The following PROS1 variants were observed in gnomAD, a reference collection of about 807,000 sequenced individuals.
PROS1 encodes protein S, also known as vitamin K-dependent protein S.
PROS1 carries 29 observed loss-of-function variants against 75.9 expected under a neutral mutation model. That is an observed-to-expected ratio of 0.38 (90% CI 0.28 to 0.52). The LOEUF (loss-of-function observed/expected upper bound fraction) is 0.52. Ranked by LOEUF, PROS1 falls within the 20% of genes least tolerant of loss-of-function variation. PROS1 has a pLI of 0.83. For synonymous variants in PROS1, 245 were observed against 280.6 expected (o/e 0.87, Z 1.27); for missense variants, 680 against 810.3 (o/e 0.84, Z 1.95).
chr3:93,877,035 G>A lies in PROS1; in HGVS notation c.1801C>T (p.Gln601Ter). The A allele has an allele frequency of 6.2e-7, 1 of 1,614,034 alleles. No homozygotes were observed. The highest frequency in any genetic ancestry group is 8.5e-7 in the Non-Finnish European group (1 of 1,179,924). The change falls in exon 14 of 15, where the codon CAA becomes TAA. Residue 601 changes from glutamine (Q) to a stop codon, truncating the protein, a stop_gained. Coordinates refer to ENST00000394236, the MANE Select transcript of PROS1 (RefSeq NM_000313.4). LOFTEE classifies it high-confidence loss of function. ...TTGTCCAAGACGGCAAGTTGTCTTT[G>A]AAGGTCTTCATGGGAGATGGTTTCT... ...KIETISHEDL[Q>*]RQLAVLDKAM...
chr3:93,905,363 A>G (rs1417329173), intron 6 of PROS1, among the ~76,000 whole-genome samples: 6 of 152,190 alleles, frequency 3.9e-5, no homozygotes, highest in Admixed American at 3.9e-4. Flanking sequence ...TAAACCAAAC[A>G]CTTTGGGAGG....
intron 1 of PROS1, among the ~76,000 whole-genome samples, chr3:93,966,614 C>T (rs889415756): frequency 3.9e-5 from 6 of 152,086 alleles, no homozygotes; most frequent in African/African-American, 1.2e-4. Flanking sequence ...GGCAGATCAC[C>T]ACACCTGTAA....
At chr3:93,899,840 A>G (rs1392017684) in intron 7 of PROS1, among the ~76,000 whole-genome samples, 2 of 152,186 alleles carry the variant, frequency 1.3e-5, no homozygotes, top group Non-Finnish European at 2.9e-5. Flanking sequence ...GGGCTGATGA[A>G]AAAGTTTTGG....
Position 93,926,674 on chromosome 3 carries a change from GA to G in PROS1, c.234+575del, listed in dbSNP as rs370159471. ...ATAAATGCCAATGGAGAAATTTAAT[GA>G]AGCATTGTAATAATAATCCAAACTA... On this transcript the variant is annotated intron_variant, in intron 2 of 14. Transcript: ENST00000394236. Among the ~76,000 whole-genome samples, 41 of 152,320 alleles carry G rather than the reference GA, an allele frequency of 2.7e-4. No individual in the cohort carries two copies. The East Asian group carries it at 7.3e-3, about 27-fold the overall frequency.
intron 3 of PROS1, among the ~76,000 whole-genome samples, chr3:93,918,290 C>A (rs1708890411): frequency 6.6e-6 from 1 of 152,142 alleles, no homozygotes; most frequent in East Asian, 1.9e-4. Context: ...CAAAACAGAC[C>A]ACTCGCTCTA....
At chr3:93,951,437 T>A (rs1367301913) in intron 1 of PROS1, among the ~76,000 whole-genome samples, 1 of 152,174 alleles carries the variant, frequency 6.6e-6, no homozygotes, top group Non-Finnish European at 1.5e-5. Context: ...TAGGGGCCAA[T>A]ATTCAACATT....
chr3:93,899,385 T>G (rs1295859412), intron 7 of PROS1, among the ~76,000 whole-genome samples: 1 of 152,152 alleles, frequency 6.6e-6, no homozygotes, highest in East Asian at 1.9e-4. Context: ...TATGTTCTCA[T>G]AAAATAATTT....
rs577570557 is a variant in PROS1, at chr3:93,916,392, A to G, written c.260-5687T>C. Among the ~76,000 whole-genome samples the G allele has an allele frequency of 8.5e-5, 13 of 152,342 alleles. No individual in the cohort carries two copies. In the South Asian group the frequency reaches 2.7e-3, roughly 32 times the overall value. On this transcript the variant is annotated intron_variant, in intron 3 of 14. Transcript: ENST00000394236. ...GCTGGAGACCCAAGTGAAATGTTTC[A>G]TATGAGTTTAGAACCCCAGGCCAGA...
chr3:93,972,860 C>CA (rs1709900618), intron 1 of PROS1, among the ~76,000 whole-genome samples: 1 of 151,850 alleles, frequency 6.6e-6, no homozygotes, highest in South Asian at 2.1e-4. Context: ...AACAAACAAA[C>CA]AAAAAGGCGT....
chr3:93,896,464 T>C, intron 9 of PROS1, 112 bp downstream of exon 9: 1 of 812,876 alleles, frequency 1.2e-6, no homozygotes, highest in East Asian at 2.5e-5. Flanking sequence ...GTAATATGAC[T>C]ACATTATCTG....
At chr3:93,922,771 C>T (rs1313660011) in intron 3 of PROS1, among the ~76,000 whole-genome samples, 1 of 151,914 alleles carries the variant, frequency 6.6e-6, no homozygotes, top group African/African-American at 2.4e-5. Context: ...TTAGGCAGGA[C>T]ATTTTTAAAA....
chr3:93,901,015 C>A, intron 6 of PROS1, 86 bp from the exon 7 acceptor site: 3 of 1,459,324 alleles, frequency 2.1e-6, no homozygotes, highest in Non-Finnish European at 2.8e-6. Flanking sequence ...TTTCCTGGAT[C>A]TTGTTTAATA....
chr3:93,916,201 G>A (rs946823420), intron 3 of PROS1, among the ~76,000 whole-genome samples: 5 of 152,158 alleles, frequency 3.3e-5, no homozygotes, highest in African/African-American at 1.2e-4. Context: ...TAGGTCTCGA[G>A]TAGTCTTATC....
At chr3:93,895,468 T>C (rs1251865131) in intron 9 of PROS1, among the ~76,000 whole-genome samples, 4 of 152,230 alleles carry the variant, frequency 2.6e-5, no homozygotes, top group Non-Finnish European at 5.9e-5. Context: ...ATGTAAGTTA[T>C]TGATCTTAGA....
At chr3:93,890,296 AC>A (rs1708413997) in intron 10 of PROS1, among the ~76,000 whole-genome samples, 2 of 152,048 alleles carry the variant, frequency 1.3e-5, no homozygotes, top group African/African-American at 2.4e-5. Flanking sequence ...CTGAACATAG[AC>A]CCTTATCAAT....
At chr3:93,892,453 C>T (rs1163408865) in intron 10 of PROS1, among the ~76,000 whole-genome samples, 9 of 151,944 alleles carry the variant, frequency 5.9e-5, no homozygotes, top group South Asian at 4.2e-4. Context: ...GGAGAAACCC[C>T]GTCTCTACTA....
intron 1 of PROS1, among the ~76,000 whole-genome samples, chr3:93,947,187 G>A (rs547086372): frequency 6.6e-6 from 1 of 152,294 alleles, no homozygotes; most frequent in East Asian, 1.9e-4. Context: ...GAGAGGATGT[G>A]GAGAAATAGG....
intron 3 of PROS1, among the ~76,000 whole-genome samples, chr3:93,917,402 T>C (rs1016879411): frequency 2.0e-5 from 3 of 152,204 alleles, no homozygotes; most frequent in African/African-American, 7.2e-5. Context: ...TGGGTTCAAG[T>C]GATTCTTGTC....
chr3:93,926,763 C>G (rs560220661), intron 2 of PROS1, among the ~76,000 whole-genome samples: 157 of 152,350 alleles, frequency 1.0e-3, no homozygotes, highest in African/African-American at 3.7e-3. Flanking sequence ...CATCCTTTCC[C>G]CTCCCTCTAA....
Sources: allele counts gnomAD v4.1 joint callset (sites outside exome capture counted in the v4.1 genomes callset), GRCh38; gene constraint gnomAD v4.1.1; transcripts MANE v1.5; gene names NCBI Gene and HGNC (gene_info 2026-07-23, HGNC 2026-07-21).